ANKRD31: variants seen among roughly 807,000 people sequenced by gnomAD.
ANKRD31 encodes the protein ankyrin repeat domain-containing protein 31.
Under a neutral mutation model 186.0 loss-of-function variants are expected in ANKRD31, and 147 were observed. The observed-to-expected ratio is 0.79, with a 90% CI of 0.69 to 0.91. The LOEUF (loss-of-function observed/expected upper bound fraction) is 0.91. Ranked by LOEUF, ANKRD31 falls within the 40% of genes least tolerant of loss-of-function variation. The pLI, the probability that ANKRD31 is intolerant of heterozygous loss-of-function variation, is 0.00. For synonymous variants in ANKRD31, 673 were observed against 736.4 expected, an observed-to-expected ratio of 0.91 and a Z score of 1.39; for missense variants, 1,986 against 2,148.8, an observed-to-expected ratio of 0.92 and a Z score of 1.50.
intron 10 of ANKRD31, among the ~76,000 whole-genome samples, chr5:75,170,189 T>C (rs1305473677): frequency 6.6e-6 from 1 of 152,122 alleles, no homozygotes; most frequent in African/African-American, 2.4e-5. Context: ...TATGGGGGAA[T>C]AAATGGACTA....
At chr5:75,214,172 T>C (rs1239727313) in intron 3 of ANKRD31, among the ~76,000 whole-genome samples, 3 of 152,220 alleles carry the variant, frequency 2.0e-5, no homozygotes, top group African/African-American at 7.2e-5. Flanking sequence ...ACTGCTTCAG[T>C]ATTCTTAAAT....
chr5:75,230,559 C>T lies in ANKRD31; in HGVS notation c.178+3G>A, dbSNP rs142966344. 2,825 of 1,533,612 alleles carry T rather than the reference C, an allele frequency of 1.8e-3. 6 individuals carry two copies. The highest frequency in any genetic ancestry group is 2.2e-3 in the Non-Finnish European group (2,525 of 1,144,018). Reference sequence around the variant, plus strand: ...ACTACTTAATGAAAAGAATCATTCTCACCTTTGCACATTCCTCTTGTATCA... The same window carrying T: ...ACTACTTAATGAAAAGAATCATTCTTACCTTTGCACATTCCTCTTGTATCA... On this transcript the variant is annotated splice_donor_region_variant and intron_variant, in intron 2 of 25. Coordinates refer to ENST00000506364, the MANE Select transcript of ANKRD31 (RefSeq NM_001372053.1).
intron 2 of ANKRD31, among the ~76,000 whole-genome samples, chr5:75,224,157 A>T (rs920889984): frequency 2.0e-5 from 1 of 49,576 alleles, no homozygotes; most frequent in Admixed American, 2.0e-4. Flanking sequence ...ATATATATAT[A>T]TATGTATATA....
intron 23 of ANKRD31, among the ~76,000 whole-genome samples, chr5:75,086,461 C>T (rs1242635200): frequency 6.6e-6 from 1 of 152,182 alleles, no homozygotes; most frequent in East Asian, 1.9e-4. Context: ...AACTCTGAAT[C>T]CTGAACTAAA....
At chr5:75,187,110 T>TTGTGTG (rs57013241) in intron 10 of ANKRD31, among the ~76,000 whole-genome samples, 8,011 of 116,126 alleles carry the variant, frequency 0.069, 752 homozygotes, top group African/African-American at 0.2. Flanking sequence ...TGATTCTGTT[T>TTGTGTG]TGTGTGTGTG....
intron 17 of ANKRD31, among the ~76,000 whole-genome samples, chr5:75,123,462 A>C (rs1748954398): frequency 6.6e-6 from 1 of 152,134 alleles, no homozygotes; most frequent in Non-Finnish European, 1.5e-5. Context: ...TATGGAACCA[A>C]AAAACAGTCT....
At chr5:75,154,134 T>C in intron 12 of ANKRD31, 67 bp downstream of exon 12, 1 of 1,287,398 alleles carries the variant, frequency 7.8e-7, no homozygotes, top group South Asian at 2.4e-5. Context: ...ATTTCTTTAA[T>C]TCTAAATTAA....
intron 17 of ANKRD31, among the ~76,000 whole-genome samples, chr5:75,134,921 T>C (rs1085988): frequency 2.0e-5 from 3 of 152,124 alleles, no homozygotes; most frequent in African/African-American, 7.2e-5. Context: ...AAAAACCCCA[T>C]GATTATCTCA....
chr5:75,147,456 T>C lies in ANKRD31; in HGVS notation c.1955A>G (p.Asn652Ser). 6.7e-7 allele frequency: 1 copy of C among 1,490,894 alleles called. No homozygotes were observed. Among genetic ancestry groups the C allele is most frequent in the Non-Finnish European group, 8.8e-7 (1 of 1,130,606 alleles). 92.4% of individuals were successfully genotyped at this position (1,490,894 alleles called of 1,614,324 possible). Residue 652 changes from asparagine to serine, a missense_variant, in exon 14 of 26, where the codon AAT becomes AGT. Asn to Ser is a conservative substitution (Grantham distance 46). Transcript: ENST00000506364. ...ATGTTCCAGCTTCTGTCTGTTGGAATTTTCATTATAAACATGCCAAATGTG... is the reference window on the plus strand; with the variant it reads ...ATGTTCCAGCTTCTGTCTGTTGGAACTTTCATTATAAACATGCCAAATGTG... The part of the protein sequence containing the change: ...KSHIWHVYNE[N>S]SNRQKLEHVK...
chr5:75,107,735 A>C (rs1747449489), intron 20 of ANKRD31, 118 bp from the exon 21 acceptor site: 2 of 597,072 alleles, frequency 3.3e-6, no homozygotes, highest in East Asian at 5.8e-5. Context: ...GATCTTCCCC[A>C]ATATTAATAG....
intron 24 of ANKRD31, among the ~76,000 whole-genome samples, chr5:75,082,340 G>C (rs1297584809): frequency 6.6e-6 from 1 of 152,066 alleles, no homozygotes; most frequent in Non-Finnish European, 1.5e-5. Context: ...TAGAAACCCT[G>C]TTTAATTCTT....
At chr5:75,183,498 G>A (rs1206923035) in intron 10 of ANKRD31, among the ~76,000 whole-genome samples, 2 of 151,996 alleles carry the variant, frequency 1.3e-5, no homozygotes, top group Non-Finnish European at 2.9e-5. Context: ...TGGATGATAT[G>A]GTCTTATATA....
intron 20 of ANKRD31, among the ~76,000 whole-genome samples, chr5:75,110,624 G>A (rs965913297): frequency 6.6e-6 from 1 of 151,212 alleles, no homozygotes; most frequent in Non-Finnish European, 1.5e-5. Flanking sequence ...CAGAAGAATG[G>A]CTTGAACCTG....
chr5:75,232,175 A>G (rs1269988307), intron 1 of ANKRD31, among the ~76,000 whole-genome samples: 2 of 152,230 alleles, frequency 1.3e-5, no homozygotes, highest in Non-Finnish European at 2.9e-5. Context: ...GAAGTAAACC[A>G]TCTACTGATG....
intron 3 of ANKRD31, among the ~76,000 whole-genome samples, chr5:75,216,861 A>G (rs1756990752): frequency 6.6e-6 from 1 of 152,154 alleles, no homozygotes; most frequent in Admixed American, 6.6e-5. Flanking sequence ...GTGGGTGTTC[A>G]GTGCTATAAA....
chr5:75,210,143 C>G (rs1184730622), intron 4 of ANKRD31, among the ~76,000 whole-genome samples: 2 of 152,158 alleles, frequency 1.3e-5, no homozygotes, highest in East Asian at 3.9e-4. Flanking sequence ...TTCTTTCCTT[C>G]CTTCCTTCCT....
At position 75,084,290 on chromosome 5, in the gene ANKRD31, A is replaced by G. The variant is rs1446565398; in HGVS notation, c.5557T>C (p.Tyr1853His). The change falls in exon 24 of 26, where the codon TAT (tyrosine) becomes CAT (histidine). Residue 1853 changes from tyrosine to histidine, a missense_variant. Tyr to His is a moderately conservative substitution (Grantham distance 83). Coordinates refer to ENST00000506364, the MANE Select transcript of ANKRD31 (RefSeq NM_001372053.1). The part of the protein sequence containing the change: ...LPEPNSVPQQ[Y>H]QPCLPEVACL... ...TACATACCTGGAAGACAAGGTTGAT[A>G]TTGCTGAGGTACTGAGTTTGGTTCT... 1 of 1,536,752 alleles carries G rather than the reference A, an allele frequency of 6.5e-7. No individual in the cohort carries two copies. Among genetic ancestry groups the G allele is most frequent in the South Asian group, 1.2e-5 (1 of 84,040 alleles).
intron 17 of ANKRD31, among the ~76,000 whole-genome samples, chr5:75,129,026 AGTGTTG>A: frequency 1.3e-5 from 2 of 152,082 alleles, no homozygotes; most frequent in Admixed American, 1.3e-4. Flanking sequence ...TGTAATCCCC[AGTGTTG>A]GAGGTGGGGT....
chr5:75,198,529 G>A (rs1453137072), intron 6 of ANKRD31, among the ~76,000 whole-genome samples: 3 of 152,142 alleles, frequency 2.0e-5, no homozygotes, highest in Non-Finnish European at 4.4e-5. Context: ...GGAACTTTAG[G>A]ACACAGTGTT....
Sources: gnomAD v4.1 joint callset for allele counts (sites outside exome capture counted in the v4.1 genomes callset) on GRCh38, gnomAD v4.1.1 for gene constraint, MANE v1.5 for transcripts, NCBI Gene and HGNC (gene_info 2026-07-23, HGNC 2026-07-21) for gene names.